Variants in GNAS observed in about 807,000 individuals in gnomAD.
GNAS encodes the protein GNAS complex locus.
A neutral mutation model predicts 54.5 loss-of-function variants in GNAS; 8 were observed. The observed-to-expected ratio is 0.15, with a 90% CI of 0.09 to 0.26. The LOEUF (loss-of-function observed/expected upper bound fraction) is 0.26. Ranked by LOEUF, GNAS falls within the 10% of genes least tolerant of loss-of-function variation. GNAS has a pLI of 1.00. For missense variants in GNAS, 170 were observed against 529.8 expected, an observed-to-expected ratio of 0.32 and a Z score of 6.67; for synonymous variants, 204 against 191.4, an observed-to-expected ratio of 1.07 and a Z score of -0.54.
At chr20:58,901,765 C>A (rs2090623327) in intron 3 of GNAS, among the ~76,000 whole-genome samples, 1 of 152,030 alleles carries the variant, frequency 6.6e-6, no homozygotes, top group Non-Finnish European at 1.5e-5. Context: ...AAGTATAATT[C>A]TTTGAGAAAG....
At chr20:58,845,168 G>A (rs2085898617) in intron 1 of GNAS, among the ~76,000 whole-genome samples, 1 of 152,162 alleles carries the variant, frequency 6.6e-6, no homozygotes. Context: ...CCACTGTGGG[G>A]GACGGCAGAC....
chr20:58,900,058 A>G (rs544777706), intron 3 of GNAS: 1 of 552,462 alleles, frequency 1.8e-6, no homozygotes, highest in Non-Finnish European at 3.4e-6. Flanking sequence ...TAAGAATACT[A>G]TTCTGTTATC....
upstream of GNAS, chr20:58,889,110 G>T: frequency 1.7e-6 from 2 of 1,144,526 alleles, no homozygotes; most frequent in Non-Finnish European, 2.2e-6. Context: ...GCTGCTATGG[G>T]TCGGTCCTCT....
intron 1 of GNAS, among the ~76,000 whole-genome samples, chr20:58,862,140 G>GGTTTTTTGGGTTCTTTTTGTT (rs2086814983): frequency 6.6e-6 from 1 of 151,922 alleles, no homozygotes; most frequent in African/African-American, 2.4e-5. Flanking sequence ...ACATGTTTTG[G>GGTTTTTTGGGTTCTTTTTGTT]GTTTTTTGGG....
At chr20:58,891,934 G>T (rs2089414562) in intron 1 of GNAS, 69 bp downstream of exon 1, 2 of 898,498 alleles carry the variant, frequency 2.2e-6, no homozygotes, top group South Asian at 5.0e-5. Flanking sequence ...GGCCGCGCGC[G>T]CCGAGCCCGC....
chr20:58,894,910 T>G (rs2089897033), intron 1 of GNAS, among the ~76,000 whole-genome samples: 1 of 152,218 alleles, frequency 6.6e-6, no homozygotes, highest in South Asian at 2.1e-4. Context: ...TAATTGATGG[T>G]CTCCCCTTTT....
At chr20:58,871,812 C>G (rs1223149755) in intron 1 of GNAS, among the ~76,000 whole-genome samples, 1 of 152,058 alleles carries the variant, frequency 6.6e-6, no homozygotes, top group Non-Finnish European at 1.5e-5. Flanking sequence ...AAGTTTAGCT[C>G]TAAGCACCAA....
intron 3 of GNAS, among the ~76,000 whole-genome samples, chr20:58,899,657 A>G (rs1423139012): frequency 3.0e-5 from 4 of 132,240 alleles, no homozygotes; most frequent in Non-Finnish European, 5.1e-5. Flanking sequence ...CATCACACAC[A>G]CACACACGCA....
At chr20:58,842,292 G>GT (rs2085769841) in intron 1 of GNAS, 1 of 397,482 alleles carries the variant, frequency 2.5e-6, no homozygotes, top group Non-Finnish European at 4.4e-6. Flanking sequence ...TTTTTTCCTG[G>GT]TGTGCGTGTC....
rs1225028002 is a variant in GNAS at position 58,911,155 on chromosome 20, A to T, written c.*326A>T. ...AATAAATATTGTGTTGTGCAGCATTAAAAAAAATCAAAATAAAAATTAAAT... is the reference window on the plus strand; with the variant it reads ...AATAAATATTGTGTTGTGCAGCATTTAAAAAAATCAAAATAAAAATTAAAT... On this transcript the variant is annotated 3_prime_UTR_variant, in exon 13 of 13. Coordinates refer to ENST00000371085, the MANE Select transcript of GNAS (RefSeq NM_000516.7). 5 of 494,620 alleles carry T rather than the reference A, an allele frequency of 1.0e-5. No individual in the cohort carries two copies. The highest frequency in any genetic ancestry group is 1.9e-5 in the Non-Finnish European group (5 of 265,732). 30.6% of individuals were successfully genotyped at this position (494,620 alleles called of 1,614,324 possible).
At chr20:58,849,950 A>G (rs2086090930) in intron 1 of GNAS, among the ~76,000 whole-genome samples, 2 of 152,170 alleles carry the variant, frequency 1.3e-5, no homozygotes, top group African/African-American at 4.8e-5. Context: ...AATAGCCTCA[A>G]AAGTGCTTGC....
rs552645721 is a variant in GNAS, at chr20:58,870,190, GTTGA to G, written c.44-25419_44-25416del. ...AAGTTAAAGAAACTGAATACACAGGGTTGATTTAAGGTAAACGTCCCTCCCACCC... is the reference window on the plus strand; with the variant it reads ...AAGTTAAAGAAACTGAATACACAGGGTTTAAGGTAAACGTCCCTCCCACCC... On this transcript the variant is annotated intron_variant, in intron 1 of 12. Transcript: ENST00000306090. Among the ~76,000 whole-genome samples, 12 of 152,320 alleles carry G rather than the reference GTTGA, an allele frequency of 7.9e-5. No individual in the cohort carries two copies. In the South Asian group the frequency reaches 2.5e-3, roughly 32 times the overall value.
At position 58,873,965 on chromosome 20, in the gene GNAS, G is replaced by A. The variant is rs959980216; in HGVS notation, c.44-21647G>A. On this transcript the variant is annotated intron_variant, in intron 1 of 12. Coordinates refer to the GNAS transcript ENST00000306090. This position sits in a 1 kb window ranked among gnomAD's most constrained non-coding sequence, Gnocchi z 4.3. ...ACACCAAATCAGAGGTTACCTAAAA[G>A]TGTCATGAGTGCTGATAATTAAACT... is the stretch of plus-strand genomic sequence containing the variant. 1.3e-5 allele frequency among the ~76,000 whole-genome samples: 2 copies of A among 152,236 alleles called. No individual in the cohort carries two copies. Among genetic ancestry groups the A allele is most frequent in the Non-Finnish European group, 2.9e-5 (2 of 68,048 alleles).
At chr20:58,874,081 A>C (rs1293041876) in intron 1 of GNAS, among the ~76,000 whole-genome samples, 1 of 152,206 alleles carries the variant, frequency 6.6e-6, no homozygotes, top group Non-Finnish European at 1.5e-5. Flanking sequence ...TGAGGCTGAA[A>C]ATTTCTGCAC....
intron 3 of GNAS, among the ~76,000 whole-genome samples, chr20:58,902,441 G>C (rs995522393): frequency 6.6e-6 from 1 of 152,144 alleles, no homozygotes; most frequent in Non-Finnish European, 1.5e-5. Context: ...AGAAGCCAAA[G>C]GGTGTGTCCT....
rs529087598 is a variant in GNAS, at chr20:58,866,771, A to AT, written c.43+25892dup. 1.4e-4 allele frequency among the ~76,000 whole-genome samples: 20 copies of AT among 147,874 alleles called. No homozygotes were observed. The East Asian group carries it at 2.7e-3, about 20-fold the overall frequency. ...GATCTAATTTTTTCAAACAAAGGAGATTTTTTTCTTTTTTTTTTTTCCCTA... is the reference window on the plus strand; with the variant it reads ...GATCTAATTTTTTCAAACAAAGGAGATTTTTTTTCTTTTTTTTTTTTCCCTA... On this transcript the variant is annotated intron_variant, in intron 1 of 12. Coordinates refer to the GNAS transcript ENST00000306090.
chr20:58,892,512 G>C (rs955596643), intron 1 of GNAS: 2 of 142,950 alleles, frequency 1.4e-5, no homozygotes, highest in Admixed American at 1.4e-4. Flanking sequence ...GAGCGGTAAA[G>C]GTGGTGCAGT....
chr20:58,840,475 C>A (rs771921968), upstream of GNAS: 4 of 1,613,552 alleles, frequency 2.5e-6, no homozygotes, highest in Admixed American at 6.7e-5. The surrounding 1 kb of genome is among the most constrained non-coding windows in gnomAD (Gnocchi z 6.0). Context: ...AGTCCGAGAC[C>A]GACTTCGAGA....
At chr20:58,887,977 C>T (rs1238076240), upstream of GNAS, among the ~76,000 whole-genome samples, 1 of 152,178 alleles carries the variant, frequency 6.6e-6, no homozygotes, top group Non-Finnish European at 1.5e-5. Flanking sequence ...GGTTGAATGG[C>T]TAACAGTGTC....
Sources: gnomAD v4.1 joint callset for allele counts (sites outside exome capture counted in the v4.1 genomes callset) on GRCh38, gnomAD v4.1.1 for gene constraint, Gnocchi (gnomAD v3.1) non-coding constraint, MANE v1.5 for transcripts, NCBI Gene and HGNC (gene_info 2026-07-23, HGNC 2026-07-21) for gene names.